TBC1D1: variants seen among roughly 807,000 people sequenced by gnomAD.
TBC1D1 encodes TBC1 domain family member 1, also known as TBC1 (tre-2/USP6, BUB2, cdc16) domain family, member 1.
A neutral mutation model predicts 125.6 loss-of-function variants in TBC1D1; 89 were observed. That is an observed-to-expected ratio of 0.71 (90% confidence interval 0.60 to 0.85). The LOEUF is 0.85. TBC1D1 is among the 40% of genes least tolerant of loss of function. The pLI, the probability that TBC1D1 is intolerant of heterozygous loss-of-function variation, is 0.00. For synonymous variants in TBC1D1, 565 were observed against 564.1 expected (o/e 1.00, Z -0.02); for missense variants, 1,377 against 1,469.2 (o/e 0.94, Z 1.03).
At chr4:37,935,548 C>T (rs1724210477) in intron 2 of TBC1D1, among the ~76,000 whole-genome samples, 1 of 152,124 alleles carries the variant, frequency 6.6e-6, no homozygotes. Context: ...CCTCTGGTAA[C>T]CCAAGATACA....
intron 19 of TBC1D1, among the ~76,000 whole-genome samples, chr4:38,133,684 C>CA (rs1387649061): frequency 6.6e-6 from 1 of 152,186 alleles, no homozygotes; most frequent in Non-Finnish European, 1.5e-5. Context: ...TATAACAAAC[C>CA]AGAAGAGATG....
At chr4:38,025,413 C>A (rs985551827) in intron 6 of TBC1D1, among the ~76,000 whole-genome samples, 32 of 152,212 alleles carry the variant, frequency 2.1e-4, no homozygotes, top group African/African-American at 7.7e-4. Flanking sequence ...GTGTGAGAAT[C>A]CCTGGGGGAG....
intron 11 of TBC1D1, 88 bp downstream of exon 11, chr4:38,049,986 G>C: frequency 7.2e-7 from 1 of 1,389,374 alleles, no homozygotes; most frequent in Non-Finnish European, 9.8e-7. Flanking sequence ...TTTATTGAGT[G>C]AGAGAAATGA....
intron 2 of TBC1D1, among the ~76,000 whole-genome samples, chr4:37,990,659 A>G (rs1013936422): frequency 6.6e-6 from 1 of 152,232 alleles, no homozygotes; most frequent in Non-Finnish European, 1.5e-5. Flanking sequence ...AAATATGTGA[A>G]TATAATACAT....
chr4:37,930,353 A>T (rs924400579), intron 2 of TBC1D1, among the ~76,000 whole-genome samples: 1 of 152,024 alleles, frequency 6.6e-6, no homozygotes, highest in Non-Finnish European at 1.5e-5. Flanking sequence ...ACAGAGTCTC[A>T]CTCTGTCACC....
At position 37,977,228 on chromosome 4, in the gene TBC1D1, C is replaced by G. The variant is rs558851860; in HGVS notation, c.418-37281C>G. On this transcript the variant is annotated intron_variant, in intron 2 of 19. Transcript: ENST00000261439. The surrounding 1 kb of genome is among the most constrained non-coding windows in gnomAD (Gnocchi z 4.3). ...GCGGGGGTGGGCGGGGTCGGCTGCG[C>G]GCCCTCCCCTCCTCTCCCCTCCTCC... 6.6e-6 allele frequency: 1 copy of G among 151,240 alleles called. No individual in the cohort carries two copies. The highest frequency in any genetic ancestry group is 2.4e-5 in the African/African-American group (1 of 41,194). 9.4% of individuals were successfully genotyped at this position (151,240 alleles called of 1,614,324 possible).
chr4:37,987,679 A>T (rs1560575239), intron 2 of TBC1D1, among the ~76,000 whole-genome samples: 1 of 152,246 alleles, frequency 6.6e-6, no homozygotes, highest in Non-Finnish European at 1.5e-5. Flanking sequence ...AATAAGAGAA[A>T]AATCACATAG....
chr4:37,981,452 C>T (rs1344085382), intron 2 of TBC1D1, among the ~76,000 whole-genome samples: 1 of 152,084 alleles, frequency 6.6e-6, no homozygotes, highest in African/African-American at 2.4e-5. Flanking sequence ...ATTTAGCAAC[C>T]GACAAGCAGA....
chr4:38,121,481 C>T (rs1300125100), intron 17 of TBC1D1, among the ~76,000 whole-genome samples: 4 of 151,898 alleles, frequency 2.6e-5, no homozygotes, highest in Admixed American at 1.3e-4. Flanking sequence ...TATTTCCTGC[C>T]GGATAAAACG....
chr4:38,046,683 G>GTAGC (rs1276076960), intron 10 of TBC1D1, among the ~76,000 whole-genome samples: 9 of 152,136 alleles, frequency 5.9e-5, no homozygotes. Context: ...ACTTTATCCT[G>GTAGC]TAGCTGGCTC....
At position 37,950,440 on chromosome 4, in the gene TBC1D1, G is replaced by A. The variant is rs567907720; in HGVS notation, c.417+47928G>A. Among the ~76,000 whole-genome samples, 21 of 141,244 alleles carry A rather than the reference G, an allele frequency of 1.5e-4. No individual in the cohort carries two copies. In the East Asian group the frequency reaches 3.9e-3, roughly 26 times the overall value. The allele number at this position is 141,244 out of a possible 152,430, so 92.7% of individuals were successfully genotyped here. ...CATTTATGGAAAGACCCTTTATGCC[G>A]TCTTTGCAAAAAAAAAATAGGATTG... On this transcript the variant is annotated intron_variant, in intron 2 of 19. Coordinates refer to ENST00000261439, the MANE Select transcript of TBC1D1 (RefSeq NM_015173.4).
intron 2 of TBC1D1, among the ~76,000 whole-genome samples, chr4:37,925,762 CA>C (rs947486967): frequency 6.8e-6 from 1 of 147,394 alleles, no homozygotes; most frequent in Non-Finnish European, 1.5e-5. Context: ...AACATATTAA[CA>C]AAAAAAACAG....
rs182167537 is a variant in TBC1D1 at position 38,137,453 on chromosome 4, G to A, written c.*118G>A. The stretch of plus-strand genomic sequence containing the variant: ...AAGTGTGCTTCTCAGGGAGGAAACC[G>A]GCTTGCCAGCAAGTAGATTCTTACG... On this transcript the variant is annotated 3_prime_UTR_variant, in exon 20 of 20. Coordinates refer to ENST00000261439, the MANE Select transcript of TBC1D1 (RefSeq NM_015173.4). 2.0e-5 allele frequency: 26 copies of A among 1,297,562 alleles called. No homozygotes were observed. The highest frequency in any genetic ancestry group is 1.7e-4 in the East Asian group (6 of 35,008). 80.4% of individuals were successfully genotyped at this position (1,297,562 alleles called of 1,614,324 possible). A position where few individuals can be genotyped will look rare whatever the true frequency, so the allele number is the denominator to read the frequency against.
At chr4:38,020,835 T>C in intron 5 of TBC1D1, 140 bp downstream of exon 5, 1 of 627,576 alleles carries the variant, frequency 1.6e-6, no homozygotes, top group Non-Finnish European at 2.8e-6. Context: ...TATGACTATT[T>C]AGTAAGCAGC....
intron 12 of TBC1D1, among the ~76,000 whole-genome samples, chr4:38,089,322 A>G (rs982573833): frequency 6.6e-6 from 1 of 152,228 alleles, no homozygotes; most frequent in Admixed American, 6.5e-5. Flanking sequence ...AAGGTCTGCT[A>G]GTGGTTACTG....
intron 2 of TBC1D1, among the ~76,000 whole-genome samples, chr4:37,930,497 A>AT (rs111236669): frequency 1.9e-3 from 277 of 143,478 alleles, no homozygotes; most frequent in African/African-American, 4.8e-3. Context: ...AACTTTTTGG[A>AT]TTTTTTTTTT....
intron 7 of TBC1D1, among the ~76,000 whole-genome samples, chr4:38,032,094 G>GC (rs527513768): frequency 2.8e-4 from 43 of 152,168 alleles, no homozygotes; most frequent in Non-Finnish European, 5.7e-4. Context: ...CAAGGCGGGC[G>GC]GATCACCCGA....
chr4:38,048,308 G>C (rs1358258683), intron 10 of TBC1D1, among the ~76,000 whole-genome samples: 4 of 152,148 alleles, frequency 2.6e-5, no homozygotes, highest in Admixed American at 1.3e-4. Flanking sequence ...ATGATTTGGA[G>C]GGATATTAGT....
rs754162127 is a variant in TBC1D1, at chr4:38,125,135, T to C, written c.3132+4T>C. ...GATGGAAAAGACCATCAATCAGGTA[T>C]GAGTCAGTCCAAACCTTGCAAATGC... On this transcript the variant is annotated splice_donor_region_variant and intron_variant, in intron 18 of 19. Coordinates refer to ENST00000261439, the MANE Select transcript of TBC1D1 (RefSeq NM_015173.4). 1 of 1,613,918 alleles carries C rather than the reference T, an allele frequency of 6.2e-7. No individual in the cohort carries two copies. The highest frequency in any genetic ancestry group is 2.2e-5 in the East Asian group (1 of 44,882).
Sources: gnomAD v4.1 joint callset for allele counts (sites outside exome capture counted in the v4.1 genomes callset) on GRCh38, gnomAD v4.1.1 for gene constraint, Gnocchi (gnomAD v3.1) non-coding constraint, MANE v1.5 for transcripts, NCBI Gene and HGNC (gene_info 2026-07-23, HGNC 2026-07-21) for gene names.